The following PPM1H variants were observed in gnomAD, a reference collection of about 807,000 sequenced individuals.
PPM1H encodes the protein protein phosphatase 1H.
In PPM1H, 27 loss-of-function variants were observed where a neutral mutation model predicts 54.9. The ratio of observed to expected loss-of-function variants is 0.49; its 90% CI spans 0.36 to 0.68. The LOEUF is 0.68. Ranked by LOEUF, PPM1H falls within the 30% of genes least tolerant of loss-of-function variation. The pLI is 0.00. For missense variants in PPM1H, 596 were observed against 667.8 expected (o/e 0.89, Z 1.19); for synonymous variants, 305 against 270.8 (o/e 1.13, Z -1.24).
Position 62,689,686 on chromosome 12 carries a change from C to A in PPM1H, c.1245+13G>T. 1 of 1,601,146 alleles carries A rather than the reference C, an allele frequency of 6.2e-7. No individual in the cohort carries two copies. The highest frequency in any genetic ancestry group is 8.5e-7 in the Non-Finnish European group (1 of 1,170,106). On this transcript the variant is annotated intron_variant, in intron 8 of 9. Transcript: ENST00000228705. ...TTATTGCACAAAATATAAACAAAAA[C>A]CTCATGCGGTACCTCTGGAGCTGAA...
At chr12:62,901,884 T>C (rs1871171333) in intron 1 of PPM1H, among the ~76,000 whole-genome samples, 1 of 152,144 alleles carries the variant, frequency 6.6e-6, no homozygotes, top group Admixed American at 6.5e-5. Context: ...AAGGCAAGCC[T>C]CCTTGCCTTC....
At position 62,694,003 on chromosome 12, in the gene PPM1H, T is replaced by C; in HGVS notation, c.1074-4A>G. On this transcript the variant is annotated splice_region_variant and splice_polypyrimidine_tract_variant and intron_variant, in intron 6 of 9. Coordinates refer to ENST00000228705, the MANE Select transcript of PPM1H (RefSeq NM_020700.2). ...ATCCTCAATGGTTTTGTATGCCCTG[T>C]AGGGGATAAACAACATTTTAAAAAA... is the stretch of plus-strand genomic sequence containing the variant. 4 of 1,611,134 alleles carry C rather than the reference T, an allele frequency of 2.5e-6. No individual in the cohort carries two copies. Among genetic ancestry groups the C allele is most frequent in the Non-Finnish European group, 3.4e-6 (4 of 1,178,544 alleles).
In PPM1H at chr12:62,694,329, CTG is replaced by C. The variant is rs1322719053; in HGVS notation, c.1074-332_1074-331del. On this transcript the variant is annotated intron_variant, in intron 6 of 9. Transcript: ENST00000228705. ...CAGTATTCTCATCACGAATCCAAAA[CTG>C]TGAGAAACAGCAGAGCTCAGAGATG... is the stretch of plus-strand genomic sequence containing the variant. 3.9e-5 allele frequency among the ~76,000 whole-genome samples: 6 copies of C among 152,182 alleles called. 1 individual carries two copies. Among genetic ancestry groups the C allele is most frequent in the Admixed American group, 2.6e-4 (4 of 15,264 alleles).
intron 6 of PPM1H, among the ~76,000 whole-genome samples, chr12:62,706,337 A>G (rs899945603): frequency 6.6e-6 from 1 of 152,216 alleles, no homozygotes; most frequent in Non-Finnish European, 1.5e-5. Context: ...CAAGGCAAGA[A>G]GCGCAGGCCT....
intron 4 of PPM1H, among the ~76,000 whole-genome samples, chr12:62,763,815 G>A (rs1475204396): frequency 1.3e-5 from 2 of 152,146 alleles, no homozygotes; most frequent in Non-Finnish European, 2.9e-5. Flanking sequence ...CTAAACCTGA[G>A]GGGTTCATTA....
intron 2 of PPM1H, among the ~76,000 whole-genome samples, chr12:62,825,926 A>T (rs935093975): frequency 4.0e-5 from 6 of 151,268 alleles, no homozygotes; most frequent in East Asian, 1.9e-4. Flanking sequence ...AATTACAATT[A>T]AAAAAAAAGA....
chr12:62,734,083 C>A (rs964321608), intron 5 of PPM1H, among the ~76,000 whole-genome samples: 6 of 151,414 alleles, frequency 4.0e-5, no homozygotes, highest in African/African-American at 1.5e-4. Context: ...GGATTAGAGC[C>A]CTTATAAAAG....
intron 1 of PPM1H, among the ~76,000 whole-genome samples, chr12:62,903,180 T>C (rs1331987610): frequency 6.6e-6 from 1 of 152,198 alleles, no homozygotes; most frequent in Admixed American, 6.5e-5. Context: ...TCCAAGTTTT[T>C]CCCATTTGAA....
chr12:62,845,373 A>T (rs562223921), intron 1 of PPM1H, among the ~76,000 whole-genome samples: 1 of 152,326 alleles, frequency 6.6e-6, no homozygotes, highest in East Asian at 1.9e-4. Flanking sequence ...CTATACCTCC[A>T]TCCTCTTCTT....
chr12:62,731,841 C>G (rs2076322667), intron 5 of PPM1H, among the ~76,000 whole-genome samples: 1 of 152,012 alleles, frequency 6.6e-6, no homozygotes, highest in Non-Finnish European at 1.5e-5. Context: ...TCTCATACCT[C>G]AGGGCTATGG....
intron 2 of PPM1H, among the ~76,000 whole-genome samples, chr12:62,804,649 T>C (rs1435088536): frequency 6.6e-6 from 1 of 151,714 alleles, no homozygotes; most frequent in African/African-American, 2.4e-5. Context: ...TTTTTAATGC[T>C]TCATTTTGGT....
chr12:62,926,333 C>T (rs1871970082), intron 1 of PPM1H, among the ~76,000 whole-genome samples: 1 of 152,088 alleles, frequency 6.6e-6, no homozygotes, highest in South Asian at 2.1e-4. Context: ...TTTCCTTCCC[C>T]CCACCACCCC....
At position 62,829,984 on chromosome 12, in the gene PPM1H, C is replaced by G. The variant is rs531582292; in HGVS notation, c.411+2130G>C. Among the ~76,000 whole-genome samples, 14 of 152,312 alleles carry G rather than the reference C, an allele frequency of 9.2e-5. No homozygotes were observed. The South Asian group carries it at 2.7e-3, about 29-fold the overall frequency. The stretch of plus-strand genomic sequence containing the variant: ...ACTTCACGCTTTCCAAGCCCTTTCC[C>G]ATAATAACAATCCTCAAAACAATCC... On this transcript the variant is annotated intron_variant, in intron 2 of 9. Transcript: ENST00000228705.
chr12:62,681,664 C>T (rs761679979), intron 8 of PPM1H, among the ~76,000 whole-genome samples: 5 of 152,188 alleles, frequency 3.3e-5, no homozygotes, highest in Non-Finnish European at 5.9e-5. Context: ...TGATATACTT[C>T]TCCCTCCTAT....
intron 1 of PPM1H, among the ~76,000 whole-genome samples, chr12:62,901,499 T>G (rs1871162315): frequency 6.6e-6 from 1 of 152,198 alleles, no homozygotes; most frequent in African/African-American, 2.4e-5. Context: ...TAAAATTATG[T>G]TTTTGTGCTG....
rs1870748765 is a variant in PPM1H at position 62,890,584 on chromosome 12, T to C, written c.245+43908A>G. Among the ~76,000 whole-genome samples, 3 of 152,274 alleles carry C rather than the reference T, an allele frequency of 2.0e-5. 1 individual carries two copies. The highest frequency in any genetic ancestry group is 2.1e-4 in the South Asian group (1 of 4,824). On this transcript the variant is annotated intron_variant, in intron 1 of 9. Transcript: ENST00000228705. ...TTATGAAAGAATTGAGGGTAAGTTT[T>C]AGCAGCCCCGAAAGGTAAACAGCTA...
At chr12:62,775,305 C>T (rs1217174571) in intron 4 of PPM1H, among the ~76,000 whole-genome samples, 2 of 152,204 alleles carry the variant, frequency 1.3e-5, no homozygotes, top group Non-Finnish European at 2.9e-5. Context: ...GTTCAGGGGG[C>T]TTCACAGTCC....
chr12:62,826,322 G>T (rs1476480133), intron 2 of PPM1H, among the ~76,000 whole-genome samples: 1 of 152,134 alleles, frequency 6.6e-6, no homozygotes, highest in African/African-American at 2.4e-5. Context: ...GGTGGTGCTT[G>T]CCGGTAATCC....
At chr12:62,759,939 C>G (rs539776481) in intron 4 of PPM1H, among the ~76,000 whole-genome samples, 1 of 152,260 alleles carries the variant, frequency 6.6e-6, no homozygotes, top group East Asian at 1.9e-4. Flanking sequence ...ACCCCCCATC[C>G]CTTCTCTCCA....
Sources: gnomAD v4.1 joint callset for allele counts (sites outside exome capture counted in the v4.1 genomes callset) on GRCh38, gnomAD v4.1.1 for gene constraint, MANE v1.5 for transcripts, NCBI Gene and HGNC (gene_info 2026-07-23, HGNC 2026-07-21) for gene names.